Variants in SCHIP1 observed in about 807,000 individuals in gnomAD.
The protein encoded by SCHIP1 is schwannomin interacting protein 1, also known as schwannomin-interacting protein 1.
In SCHIP1, 8 loss-of-function variants were observed where a neutral mutation model predicts 29.7. That is an observed-to-expected ratio of 0.27 (90% CI 0.16 to 0.49). The LOEUF (loss-of-function observed/expected upper bound fraction) is 0.49, where lower values mean the gene tolerates loss of function less well. Ranked by LOEUF, SCHIP1 falls within the 20% of genes least tolerant of loss-of-function variation. The pLI, the probability that SCHIP1 is intolerant of heterozygous loss-of-function variation, is 0.99. For synonymous variants in SCHIP1, 76 were observed against 94.9 expected (o/e 0.80, Z 1.16); for missense variants, 193 against 294.6 (o/e 0.66, Z 2.52).
the SCHIP1 span, among the ~76,000 whole-genome samples, chr3:159,719,027 A>G: frequency 2.0e-5 from 3 of 152,330 alleles, no homozygotes; most frequent in East Asian, 3.9e-4. Context: ...ACTGGTACCA[A>G]AACAGAGATA....
the SCHIP1 span, among the ~76,000 whole-genome samples, chr3:159,716,830 C>T: frequency 1.3e-5 from 2 of 152,194 alleles, no homozygotes; most frequent in Non-Finnish European, 1.5e-5. Context: ...GACAGATCAA[C>T]GAGACAGAAA....
the SCHIP1 span, among the ~76,000 whole-genome samples, chr3:159,720,872 A>C: frequency 6.6e-6 from 1 of 152,208 alleles, no homozygotes; most frequent in Non-Finnish European, 1.5e-5. Context: ...GGTGTGAGCT[A>C]CCACGCCCAG....
At chr3:159,591,018 C>G in the SCHIP1 span, among the ~76,000 whole-genome samples, 1 of 152,106 alleles carries the variant, frequency 6.6e-6, no homozygotes, top group African/African-American at 2.4e-5. Flanking sequence ...CCCTTTTTAA[C>G]CCTCATCCTG....
chr3:159,709,430 AT>A, the SCHIP1 span, among the ~76,000 whole-genome samples: 5 of 152,196 alleles, frequency 3.3e-5, no homozygotes, highest in African/African-American at 9.6e-5. Context: ...TTATTTCAAA[AT>A]AAAATATTTA....
At chr3:159,347,377 T>G in the SCHIP1 span, among the ~76,000 whole-genome samples, 1 of 152,182 alleles carries the variant, frequency 6.6e-6, no homozygotes, top group Non-Finnish European at 1.5e-5. Context: ...AACAAACTAG[T>G]ATTCCGTGGA....
chr3:159,654,825 A>AAT, the SCHIP1 span, among the ~76,000 whole-genome samples: 1 of 145,638 alleles, frequency 6.9e-6, no homozygotes, highest in African/African-American at 2.5e-5. Context: ...AAAAAAAAAA[A>AAT]TCCTCACAAA....
chr3:159,686,257 T>C, the SCHIP1 span, among the ~76,000 whole-genome samples: 5 of 152,310 alleles, frequency 3.3e-5, no homozygotes, highest in African/African-American at 9.6e-5. Context: ...CAGGAATATT[T>C]GAAGCCCAGA....
the SCHIP1 span, among the ~76,000 whole-genome samples, chr3:159,592,842 G>A: frequency 1.3e-5 from 2 of 152,066 alleles, no homozygotes; most frequent in Non-Finnish European, 2.9e-5. Flanking sequence ...GTGGGATCCT[G>A]CTCATCTAAG....
At chr3:159,293,825 G>T in the SCHIP1 span, among the ~76,000 whole-genome samples, 2 of 151,972 alleles carry the variant, frequency 1.3e-5, no homozygotes, top group Non-Finnish European at 2.9e-5. Context: ...TGGAAGGGAA[G>T]GGGAAACAGA....
the SCHIP1 span, among the ~76,000 whole-genome samples, chr3:159,567,256 A>G: frequency 6.6e-6 from 1 of 152,080 alleles, no homozygotes; most frequent in Non-Finnish European, 1.5e-5. Context: ...CTCCTTTGTT[A>G]AACACACTAT....
At chr3:159,554,770 G>C in the SCHIP1 span, among the ~76,000 whole-genome samples, 1,222 of 151,814 alleles carry the variant, frequency 8.0e-3, 12 homozygotes, top group African/African-American at 0.028. Flanking sequence ...CTCATCTCTG[G>C]GCTGCCTTGT....
the SCHIP1 span, among the ~76,000 whole-genome samples, chr3:159,316,096 A>C: frequency 2.0e-5 from 3 of 152,058 alleles, no homozygotes; most frequent in African/African-American, 7.3e-5. Context: ...TGACCCCTGG[A>C]GATCAGGTAC....
At chr3:159,584,155 C>T in the SCHIP1 span, among the ~76,000 whole-genome samples, 18 of 152,146 alleles carry the variant, frequency 1.2e-4, no homozygotes, top group Admixed American at 8.5e-4. Context: ...TTGAGTGCTG[C>T]TTCAGCTTCT....
the SCHIP1 span, among the ~76,000 whole-genome samples, chr3:159,317,617 C>T: frequency 6.6e-6 from 1 of 152,194 alleles, no homozygotes. Context: ...ATTGTGACTT[C>T]AAAAGGCCAT....
At chr3:159,428,546 A>G in the SCHIP1 span, among the ~76,000 whole-genome samples, 482 of 152,254 alleles carry the variant, frequency 3.2e-3, no homozygotes, top group Non-Finnish European at 5.3e-3. Flanking sequence ...TCAGGAAACA[A>G]CAGGTGCTGG....
chr3:159,394,299 C>G, the SCHIP1 span, among the ~76,000 whole-genome samples: 7 of 151,806 alleles, frequency 4.6e-5, no homozygotes, highest in Non-Finnish European at 1.0e-4. Flanking sequence ...AACTAAATAC[C>G]CTTTATTTCC....
At chr3:159,429,116 G>A in the SCHIP1 span, among the ~76,000 whole-genome samples, 1 of 151,024 alleles carries the variant, frequency 6.6e-6, no homozygotes, top group African/African-American at 2.4e-5. Context: ...TTAGTGGGTG[G>A]AGCCACTAGC....
At chr3:159,566,649 T>C in the SCHIP1 span, among the ~76,000 whole-genome samples, 14 of 152,106 alleles carry the variant, frequency 9.2e-5, no homozygotes, top group Non-Finnish European at 2.1e-4. Context: ...AGGAAGAGCA[T>C]TCCAGGCAGA....
the SCHIP1 span, among the ~76,000 whole-genome samples, chr3:159,296,603 G>A: frequency 1.3e-3 from 196 of 152,100 alleles, 1 homozygote; most frequent in Middle Eastern, 0.024. Context: ...GCGAAACCCC[G>A]TCTCTACTAA....
Sources: allele counts gnomAD v4.1 joint callset (sites outside exome capture counted in the v4.1 genomes callset), GRCh38; gene constraint gnomAD v4.1.1; transcripts MANE v1.5; gene names NCBI Gene and HGNC (gene_info 2026-07-23, HGNC 2026-07-21).